The following DMD variants were observed in gnomAD, a reference collection of about 807,000 sequenced individuals.
DMD encodes the protein dystrophin, also known as mutant dystrophin.
In DMD, 63 loss-of-function variants were observed where a neutral mutation model predicts 330.1. That is an observed-to-expected ratio of 0.19 (90% CI 0.16 to 0.24). DMD has a LOEUF of 0.24. DMD is among the 10% of genes least tolerant of loss of function. The probability of loss-of-function intolerance (pLI) is 1.00; values close to 1 mark genes in which losing one functional copy is unlikely to be tolerated. For synonymous variants in DMD, 1,223 were observed against 959.8 expected (o/e 1.27, Z -5.07); for missense variants, 3,344 against 2,684.1 (o/e 1.25, Z -5.43).
rs2097958930 is a variant in DMD at position 32,386,482 on chromosome X, A to C, written c.4519-17T>G. 8.6e-7 allele frequency: 1 copy of C among 1,163,478 alleles called. No homozygotes were observed. Among genetic ancestry groups the C allele is most frequent in the African/African-American group, 1.8e-5 (1 of 56,221 alleles). On this transcript the variant is annotated splice_polypyrimidine_tract_variant and intron_variant, in intron 32 of 78. Transcript: ENST00000357033. ...ATACAAGTTCTAAGTTTAAACATAA[A>C]ACAAAACATGATAATCAGTAGAGTT...
At chrX:31,457,115 G>C (rs2066240066) in intron 59 of DMD, among the ~76,000 whole-genome samples, 1 of 109,604 alleles carries the variant, frequency 9.1e-6, no homozygotes, top group East Asian at 2.9e-4. Context: ...CACTAGAAGA[G>C]GCATGTTCCT....
chrX:32,156,414 C>A, intron 44 of DMD, among the ~76,000 whole-genome samples: 1 of 112,225 alleles, frequency 8.9e-6, no homozygotes, highest in East Asian at 2.8e-4. Context: ...AAGATTTAAG[C>A]AAACCCACTG....
chrX:31,815,623 T>C (rs776174160), intron 50 of DMD, among the ~76,000 whole-genome samples: 1 of 111,688 alleles, frequency 9.0e-6, no homozygotes, highest in African/African-American at 3.3e-5. Context: ...CCAGTTTCCC[T>C]CCTTTTCCCC....
chrX:32,774,437 C>G (rs1448550453), intron 7 of DMD, among the ~76,000 whole-genome samples: 1 of 111,597 alleles, frequency 9.0e-6, no homozygotes, highest in Admixed American at 9.5e-5. Flanking sequence ...AGTCCATTTT[C>G]ACACTGCCAT....
chrX:32,253,855 C>G (rs2097287758), intron 43 of DMD, among the ~76,000 whole-genome samples: 3 of 110,355 alleles, frequency 2.7e-5, no homozygotes, highest in Admixed American at 9.7e-5. Flanking sequence ...AACTCCTGAC[C>G]TCATAATCTG....
intron 45 of DMD, among the ~76,000 whole-genome samples, chrX:31,957,174 A>G (rs2095255198): frequency 9.0e-6 from 1 of 111,409 alleles, no homozygotes; most frequent in African/African-American, 3.3e-5. Context: ...CTTGGAGCTG[A>G]GCCTCTTTTT....
intron 44 of DMD, among the ~76,000 whole-genome samples, chrX:31,976,121 A>G (rs1469545039): frequency 4.5e-5 from 5 of 110,559 alleles, no homozygotes; most frequent in Non-Finnish European, 9.5e-5. Context: ...AGGAGATATC[A>G]TGGTAGTTAA....
At chrX:32,073,214 T>G (rs1260097934) in intron 44 of DMD, among the ~76,000 whole-genome samples, 2 of 112,062 alleles carry the variant, frequency 1.8e-5, no homozygotes, top group Non-Finnish European at 3.8e-5. Context: ...GATTGTTTCC[T>G]CCTCTAATTG....
chrX:32,600,884 T>C (rs2149288750), intron 12 of DMD, among the ~76,000 whole-genome samples: 1 of 111,001 alleles, frequency 9.0e-6, no homozygotes, highest in African/African-American at 3.3e-5. Context: ...AGGAAAGAAG[T>C]ATCTTAAAAA....
rs2063867583 is a variant in DMD at position 32,698,966 on chromosome X, C to CTG, written c.831+145_831+146insCA. 7.4e-6 allele frequency: 3 copies of CTG among 405,208 alleles called. No individual in the cohort carries two copies. The African/African-American group carries it at 2.8e-4, about 37-fold the overall frequency. 33.4% of individuals were successfully genotyped at this position (405,208 alleles called of 1,213,427 possible). A position where few individuals can be genotyped will look rare whatever the true frequency, so the allele number is the denominator to read the frequency against. On this transcript the variant is annotated intron_variant, in intron 8 of 78. Coordinates refer to ENST00000357033, the MANE Select transcript of DMD (RefSeq NM_004006.3). ...GCAAAATTGAAAAGGTTTAGTCTGT[C>CTG]TCTTTTTGTACATATACATACATTA... is the stretch of plus-strand genomic sequence containing the variant.
intron 52 of DMD, among the ~76,000 whole-genome samples, chrX:31,715,125 T>G (rs1292212517): frequency 9.1e-6 from 1 of 109,719 alleles, no homozygotes; most frequent in Non-Finnish European, 1.9e-5. Context: ...TAATGAGTTC[T>G]CTGTACCCTC....
At chrX:31,734,839 G>A (rs904765730) in intron 51 of DMD, among the ~76,000 whole-genome samples, 2 of 111,935 alleles carry the variant, frequency 1.8e-5, no homozygotes, top group Non-Finnish European at 3.8e-5. Context: ...GCCAAAGACT[G>A]TCTTCTGAAG....
chrX:31,180,236 T>C lies in DMD; in HGVS notation c.10086+134A>G, dbSNP rs964646035. On this transcript the variant is annotated intron_variant, in intron 69 of 78. Coordinates refer to ENST00000357033, the MANE Select transcript of DMD (RefSeq NM_004006.3). ...ATAGGGTAAATCCTGAAGCCTACAG[T>C]TGAGAGCCACTTTAGCTGGGGAACA... 10 of 551,418 alleles carry C rather than the reference T, an allele frequency of 1.8e-5. No homozygotes were observed. The African/African-American group carries it at 2.0e-4, about 11-fold the overall frequency. 45.4% of individuals were successfully genotyped at this position (551,418 alleles called of 1,213,427 possible). A position where few individuals can be genotyped will look rare whatever the true frequency, so the allele number is the denominator to read the frequency against.
intron 7 of DMD, among the ~76,000 whole-genome samples, chrX:32,736,046 C>T (rs1298077291): frequency 2.7e-5 from 3 of 111,592 alleles, no homozygotes; most frequent in Non-Finnish European, 5.7e-5. Context: ...CCAGAATCTA[C>T]AATGAACTCA....
intron 55 of DMD, among the ~76,000 whole-genome samples, chrX:31,544,188 G>T (rs759652617): frequency 9.0e-6 from 1 of 110,718 alleles, no homozygotes; most frequent in African/African-American, 3.3e-5. Flanking sequence ...GCCAGGCATG[G>T]TGGCATGTGC....
At chrX:31,568,342 T>C (rs1057364079) in intron 55 of DMD, among the ~76,000 whole-genome samples, 1 of 111,605 alleles carries the variant, frequency 9.0e-6, no homozygotes, top group South Asian at 3.7e-4. Flanking sequence ...TTCTATCAAC[T>C]GAAGAGAGAG....
chrX:32,070,005 C>T (rs1349670294), intron 44 of DMD, among the ~76,000 whole-genome samples: 4 of 111,576 alleles, frequency 3.6e-5, no homozygotes, highest in Non-Finnish European at 7.5e-5. Flanking sequence ...GATTATCTGT[C>T]AGCAGCAGGA....
intron 64 of DMD, among the ~76,000 whole-genome samples, chrX:31,220,061 A>G (rs1056487089): frequency 1.3e-4 from 15 of 111,681 alleles, no homozygotes; most frequent in African/African-American, 4.9e-4. Flanking sequence ...TGTATAGCCT[A>G]GGAGCAATAG....
At chrX:32,286,962 A>G (rs989811580) in intron 43 of DMD, among the ~76,000 whole-genome samples, 5 of 111,589 alleles carry the variant, frequency 4.5e-5, no homozygotes, top group African/African-American at 1.6e-4. Flanking sequence ...AAATAATGTA[A>G]TTGAATTTCT....
Sources: gnomAD v4.1 joint callset for allele counts (sites outside exome capture counted in the v4.1 genomes callset) on GRCh38, gnomAD v4.1.1 for gene constraint, MANE v1.5 for transcripts, NCBI Gene and HGNC (gene_info 2026-07-23, HGNC 2026-07-21) for gene names.